Variants in PPP2R2B observed in about 807,000 individuals in gnomAD.
PPP2R2B encodes the protein protein phosphatase 2 regulatory subunit Bbeta, also known as serine/threonine-protein phosphatase 2A 55 kDa regulatory subunit B beta isoform.
A neutral mutation model predicts 46.0 loss-of-function variants in PPP2R2B; 5 were observed. The observed-to-expected ratio is 0.11, with a 90% CI of 0.06 to 0.23. The LOEUF is 0.23. Among genes scored for constraint, PPP2R2B ranks in the 10% least tolerant of loss-of-function variants. The probability of loss-of-function intolerance (pLI) is 1.00; values close to 1 mark genes in which losing one functional copy is unlikely to be tolerated. For missense variants in PPP2R2B, 367 were observed against 575.0 expected (o/e 0.64, Z 3.70); for synonymous variants, 215 against 206.7 (o/e 1.04, Z -0.34).
At chr5:147,029,644 AAGGAGGTAAATAAGGTT>A (rs1273610461) in intron 1 of PPP2R2B, among the ~76,000 whole-genome samples, 1 of 152,166 alleles carries the variant, frequency 6.6e-6, no homozygotes, top group Non-Finnish European at 1.5e-5. Flanking sequence ...AAGGGTCTTT[AAGGAGGTAAATAAGGTT>A]AAATAAGGTT....
intron 2 of PPP2R2B, among the ~76,000 whole-genome samples, chr5:146,838,628 T>C (rs1759441702): frequency 6.7e-6 from 1 of 148,652 alleles, no homozygotes; most frequent in Non-Finnish European, 1.5e-5. Context: ...CAGAGTTACA[T>C]AATGGGAAGG....
chr5:146,895,110 C>T (rs1474695776), intron 1 of PPP2R2B, among the ~76,000 whole-genome samples: 1 of 152,148 alleles, frequency 6.6e-6, no homozygotes, highest in African/African-American at 2.4e-5. Context: ...TGCCTTTGTC[C>T]TCTATGTCAA....
At chr5:146,684,720 A>G (rs1778382590) in intron 5 of PPP2R2B, among the ~76,000 whole-genome samples, 1 of 152,148 alleles carries the variant, frequency 6.6e-6, no homozygotes, top group Non-Finnish European at 1.5e-5. Flanking sequence ...CTGAACTGCC[A>G]TGGTTATCTT....
chr5:147,003,450 A>G (rs1384780145), intron 1 of PPP2R2B, among the ~76,000 whole-genome samples: 1 of 152,192 alleles, frequency 6.6e-6, no homozygotes, highest in Non-Finnish European at 1.5e-5. Flanking sequence ...TGATCCTGAT[A>G]GGTATATAGA....
intron 2 of PPP2R2B, among the ~76,000 whole-genome samples, chr5:146,866,597 A>G (rs779050874): frequency 4.0e-5 from 6 of 151,684 alleles, no homozygotes; most frequent in Non-Finnish European, 7.4e-5. Context: ...TGAAGATTAA[A>G]TTATATATAT....
chr5:147,032,452 C>G (rs373330286), intron 1 of PPP2R2B, among the ~76,000 whole-genome samples: 12 of 152,158 alleles, frequency 7.9e-5, no homozygotes, highest in African/African-American at 2.6e-4. Context: ...TTTGGTTCAC[C>G]TATCACCCAA....
intron 1 of PPP2R2B, among the ~76,000 whole-genome samples, chr5:147,049,744 G>A (rs900066357): frequency 6.6e-6 from 1 of 152,172 alleles, no homozygotes; most frequent in African/African-American, 2.4e-5. Context: ...TGTTGCTGAG[G>A]GCTGCAGTGG....
intron 1 of PPP2R2B, among the ~76,000 whole-genome samples, chr5:147,006,128 G>A (rs1389211353): frequency 1.3e-5 from 2 of 152,174 alleles, no homozygotes; most frequent in African/African-American, 4.8e-5. Flanking sequence ...AGGATAGGAC[G>A]ATGGATGGTT....
At chr5:146,955,012 C>T (rs1464569059) in intron 1 of PPP2R2B, among the ~76,000 whole-genome samples, 1 of 152,048 alleles carries the variant, frequency 6.6e-6, no homozygotes, top group Non-Finnish European at 1.5e-5. Context: ...CGATGGTCCT[C>T]CCAAGTAGGT....
chr5:146,903,693 C>T (rs540696664), intron 1 of PPP2R2B, among the ~76,000 whole-genome samples: 1 of 152,200 alleles, frequency 6.6e-6, no homozygotes, highest in South Asian at 2.1e-4. Flanking sequence ...CCACCATGCC[C>T]AGTCAAAAGA....
At chr5:146,590,397 TGTTTTTTTTTTTTTTTTTTGA>T (rs2150997444) in intron 9 of PPP2R2B, among the ~76,000 whole-genome samples, 171 bp from the exon 10 acceptor site, 1 of 139,448 alleles carries the variant, frequency 7.2e-6, no homozygotes, top group East Asian at 2.0e-4. Flanking sequence ...TTTTTTTTTG[TGTTTTTTTTTTTTTTTTTTGA>T]ATCACTGAAA....
intron 2 of PPP2R2B, among the ~76,000 whole-genome samples, chr5:147,068,913 G>A (rs1457413023): frequency 6.6e-6 from 1 of 152,150 alleles, no homozygotes; most frequent in East Asian, 1.9e-4. Flanking sequence ...ATAATTTTGG[G>A]AAAGGTTGCT....
chr5:146,980,262 A>T (rs115987987), intron 1 of PPP2R2B, among the ~76,000 whole-genome samples: 1,767 of 152,308 alleles, frequency 0.012, 9 homozygotes, highest in Non-Finnish European at 0.017. Context: ...ACTGAAGATA[A>T]GGTAACAGAA....
intron 2 of PPP2R2B, among the ~76,000 whole-genome samples, chr5:146,781,130 T>TTATATA (rs1172319293): frequency 3.3e-5 from 1 of 30,012 alleles, no homozygotes; most frequent in Non-Finnish European, 7.0e-5. Flanking sequence ...AATGCCACCA[T>TTATATA]GATATATATA....
chr5:146,648,637 A>C (rs1775738928), intron 6 of PPP2R2B, among the ~76,000 whole-genome samples: 1 of 152,168 alleles, frequency 6.6e-6, no homozygotes, highest in African/African-American at 2.4e-5. Flanking sequence ...AAGTAAAAAA[A>C]TTTCAAATCA....
At chr5:146,991,861 T>C (rs1156279383) in intron 1 of PPP2R2B, among the ~76,000 whole-genome samples, 7 of 152,076 alleles carry the variant, frequency 4.6e-5, no homozygotes, top group Admixed American at 4.6e-4. Context: ...ATTGATAAAA[T>C]AAACTGTAGA....
chr5:147,022,776 C>G (rs1016714403), intron 1 of PPP2R2B, among the ~76,000 whole-genome samples: 1 of 151,782 alleles, frequency 6.6e-6, no homozygotes, highest in Non-Finnish European at 1.5e-5. Flanking sequence ...GCATCATAAA[C>G]AGAGCAAACC....
rs1166157404 is a variant in PPP2R2B, at chr5:146,587,048, C to G, written c.*2899G>C. On this transcript the variant is annotated 3_prime_UTR_variant, in exon 10 of 10. Coordinates refer to ENST00000394411, the MANE Select transcript of PPP2R2B (RefSeq NM_181675.4). ...TTGTAATCTGATGGCTCTTACCAAG[C>G]AGCAGGCCTTGTGGGGTAAAGTAGT... 1 of 152,174 alleles carries G rather than the reference C, an allele frequency of 6.6e-6. No homozygotes were observed. The highest frequency in any genetic ancestry group is 1.5e-5 in the Non-Finnish European group (1 of 68,036). 9.4% of individuals were successfully genotyped at this position (152,174 alleles called of 1,614,324 possible).
intron 2 of PPP2R2B, among the ~76,000 whole-genome samples, chr5:146,777,948 G>A (rs1755289415): frequency 6.6e-6 from 1 of 152,160 alleles, no homozygotes; most frequent in South Asian, 2.1e-4. Context: ...ATAAAAAATT[G>A]TATGGTAGCC....
Sources: gnomAD v4.1 joint callset for allele counts (sites outside exome capture counted in the v4.1 genomes callset) on GRCh38, gnomAD v4.1.1 for gene constraint, MANE v1.5 for transcripts, NCBI Gene and HGNC (gene_info 2026-07-23, HGNC 2026-07-21) for gene names.